Variants in NRG3 observed in about 807,000 individuals in gnomAD.
The protein encoded by NRG3 is pro-neuregulin-3, membrane-bound isoform.
Under a neutral mutation model 66.9 loss-of-function variants are expected in NRG3, and 31 were observed. That is an observed-to-expected ratio of 0.46 (90% CI 0.35 to 0.63). NRG3 has a LOEUF of 0.63. NRG3 is among the 20% of genes least tolerant of loss of function. The pLI is 0.00. For missense variants in NRG3, 910 were observed against 878.9 expected (o/e 1.04, Z -0.45); for synonymous variants, 393 against 359.4 (o/e 1.09, Z -1.06).
At chr10:82,731,599 C>T (rs995866304) in intron 2 of NRG3, among the ~76,000 whole-genome samples, 2 of 149,614 alleles carry the variant, frequency 1.3e-5, no homozygotes, top group Non-Finnish European at 3.0e-5. Flanking sequence ...GACAGAATTT[C>T]CTTTTTTTCT....
chr10:82,310,690 C>G (rs2080974054), intron 1 of NRG3, among the ~76,000 whole-genome samples: 1 of 152,004 alleles, frequency 6.6e-6, no homozygotes, highest in South Asian at 2.1e-4. Flanking sequence ...AGAACTCTAT[C>G]CAGGGAGGGC....
chr10:82,733,679 G>A (rs2058027306), intron 2 of NRG3, among the ~76,000 whole-genome samples: 1 of 152,198 alleles, frequency 6.6e-6, no homozygotes, highest in African/African-American at 2.4e-5. Flanking sequence ...GAGTAGCACA[G>A]TTCTCTCAAT....
At chr10:82,736,150 A>C (rs886174390) in intron 2 of NRG3, among the ~76,000 whole-genome samples, 3 of 152,166 alleles carry the variant, frequency 2.0e-5, no homozygotes, top group African/African-American at 4.8e-5. Flanking sequence ...ACTCTCCCCC[A>C]AAAAACCAAA....
At chr10:82,460,790 C>G (rs932545731) in intron 2 of NRG3, among the ~76,000 whole-genome samples, 1 of 152,160 alleles carries the variant, frequency 6.6e-6, no homozygotes, top group African/African-American at 2.4e-5. Context: ...CTTGCACCAG[C>G]AGCTGCAGTG....
intron 2 of NRG3, among the ~76,000 whole-genome samples, chr10:82,611,245 T>G (rs1273003856): frequency 6.6e-6 from 1 of 152,026 alleles, no homozygotes; most frequent in Non-Finnish European, 1.5e-5. Context: ...TAAAATTATT[T>G]TTTTATTTTT....
At chr10:82,225,653 T>G (rs942301182) in intron 1 of NRG3, 3 of 152,166 alleles carry the variant, frequency 2.0e-5, no homozygotes, top group Admixed American at 6.6e-5. Flanking sequence ...TCAGTGTGAT[T>G]ATGAGAAAGA....
intron 4 of NRG3, among the ~76,000 whole-genome samples, chr10:82,923,545 T>C (rs1846666704): frequency 6.6e-6 from 1 of 152,218 alleles, no homozygotes; most frequent in South Asian, 2.1e-4. Context: ...CCTGACAACA[T>C]AGTGTTGCTC....
rs188308593 is a variant in NRG3 at position 82,677,121 on chromosome 10, A to G, written c.954-61456A>G. On this transcript the variant is annotated intron_variant, in intron 2 of 8. Transcript: ENST00000372141. ...GTCACCCAGGCTGGGGCGCAGTGGC[A>G]TGATCTCAGTTCACTACAATCTCGG... Among the ~76,000 whole-genome samples the G allele has an allele frequency of 7.5e-3, 1,100 of 146,432 alleles. 11 individuals are homozygous for G. Among genetic ancestry groups the G allele is most frequent in the African/African-American group, 0.027 (1,045 of 39,228 alleles).
intron 1 of NRG3, among the ~76,000 whole-genome samples, chr10:82,072,183 C>T (rs1322831167): frequency 6.6e-6 from 1 of 152,170 alleles, no homozygotes; most frequent in African/African-American, 2.4e-5. Flanking sequence ...ACTTACTTTT[C>T]TCACCTAAAA....
At chr10:82,433,255 G>T (rs760584748) in intron 2 of NRG3, among the ~76,000 whole-genome samples, 28 of 152,164 alleles carry the variant, frequency 1.8e-4, no homozygotes, top group Non-Finnish European at 3.4e-4. Flanking sequence ...TGGCCACGTA[G>T]ATGTCTTCTT....
chr10:82,710,937 T>C (rs1372009191), intron 2 of NRG3, among the ~76,000 whole-genome samples: 2 of 152,190 alleles, frequency 1.3e-5, no homozygotes, highest in Non-Finnish European at 2.9e-5. Context: ...TGTGTTTTTA[T>C]TGAGAAGTCA....
intron 2 of NRG3, among the ~76,000 whole-genome samples, chr10:82,408,579 A>C (rs1004614776): frequency 6.6e-6 from 1 of 150,786 alleles, no homozygotes; most frequent in Non-Finnish European, 1.5e-5. Context: ...ACGTTTCAAG[A>C]ACATGTTGAC....
chr10:82,460,792 G>A (rs1413892808), intron 2 of NRG3, among the ~76,000 whole-genome samples: 1 of 152,144 alleles, frequency 6.6e-6, no homozygotes, highest in South Asian at 2.1e-4. Context: ...TGCACCAGCA[G>A]CTGCAGTGTG....
At chr10:82,645,226 A>G (rs1339797) in intron 2 of NRG3, among the ~76,000 whole-genome samples, 4 of 151,976 alleles carry the variant, frequency 2.6e-5, no homozygotes, top group African/African-American at 7.3e-5. Context: ...ACATTTACAC[A>G]AGACTTGAAA....
chr10:81,878,545 TC>T (rs1564627543), intron 1 of NRG3, among the ~76,000 whole-genome samples: 1 of 152,198 alleles, frequency 6.6e-6, no homozygotes, highest in Non-Finnish European at 1.5e-5. Flanking sequence ...TGAGAGATTA[TC>T]AGCAGTGCTA....
chr10:82,776,088 A>C (rs1565302977), intron 3 of NRG3, among the ~76,000 whole-genome samples: 1 of 152,182 alleles, frequency 6.6e-6, no homozygotes, highest in Non-Finnish European at 1.5e-5. Flanking sequence ...CCAATTGAAA[A>C]GCTAAACATT....
intron 1 of NRG3, among the ~76,000 whole-genome samples, chr10:82,168,634 C>T (rs913100050): frequency 6.6e-6 from 1 of 152,214 alleles, no homozygotes. Context: ...CTGGGGATTT[C>T]TGATTTACCC....
intron 2 of NRG3, among the ~76,000 whole-genome samples, chr10:82,416,131 T>C (rs1197921550): frequency 6.6e-6 from 1 of 152,232 alleles, no homozygotes; most frequent in East Asian, 1.9e-4. Context: ...TTTGCATTAA[T>C]GTGTTACAAA....
chr10:82,431,301 T>C (rs1011447476), intron 2 of NRG3, among the ~76,000 whole-genome samples: 3 of 152,142 alleles, frequency 2.0e-5, no homozygotes, highest in Non-Finnish European at 4.4e-5. Context: ...CCAAACTCCT[T>C]CTTCCCTGTC....
Sources: gnomAD v4.1 joint callset for allele counts (sites outside exome capture counted in the v4.1 genomes callset) on GRCh38, gnomAD v4.1.1 for gene constraint, MANE v1.5 for transcripts, NCBI Gene and HGNC (gene_info 2026-07-23, HGNC 2026-07-21) for gene names.